Variants in PPFIA2 observed in about 807,000 individuals in gnomAD.
The protein encoded by PPFIA2 is liprin-alpha-2.
PPFIA2 carries 46 observed loss-of-function variants against 175.5 expected under a neutral mutation model. The observed-to-expected ratio is 0.26, with a 90% CI of 0.21 to 0.34. The LOEUF (loss-of-function observed/expected upper bound fraction) is 0.34. Ranked by LOEUF, PPFIA2 falls within the 10% of genes least tolerant of loss-of-function variation. PPFIA2 has a pLI of 1.00. For missense variants in PPFIA2, 1,179 were observed against 1,506.1 expected (o/e 0.78, Z 3.60); for synonymous variants, 568 against 511.4 (o/e 1.11, Z -1.49).
Position 81,441,495 on chromosome 12 carries a change from T to C in PPFIA2, c.571-1449A>G, listed in dbSNP as rs2050168219. Among the ~76,000 whole-genome samples the C allele has an allele frequency of 2.0e-5, 3 of 152,086 alleles. No individual in the cohort carries two copies. In the South Asian group the frequency reaches 6.2e-4, roughly 31 times the overall value. ...TCTTTCATCATATTGAGCTAGAGAT[T>C]AACTGCCAAGTATCATTCCTGTTAG... On this transcript the variant is annotated intron_variant, in intron 6 of 32. Coordinates refer to ENST00000549396, the MANE Select transcript of PPFIA2 (RefSeq NM_003625.5).
intron 5 of PPFIA2, among the ~76,000 whole-genome samples, chr12:81,450,519 T>A (rs1190872860): frequency 6.6e-6 from 1 of 152,142 alleles, no homozygotes; most frequent in Non-Finnish European, 1.5e-5. Context: ...GTTTGAGTTC[T>A]TTGTAGATTC....
chr12:81,268,586 CTATT>C (rs1209397298), intron 28 of PPFIA2, among the ~76,000 whole-genome samples: 1 of 152,188 alleles, frequency 6.6e-6, no homozygotes, highest in African/African-American at 2.4e-5. Context: ...TTTCGAGTCT[CTATT>C]TAAAAAAGTT....
At chr12:81,532,004 T>G (rs2064640857) in intron 4 of PPFIA2, among the ~76,000 whole-genome samples, 1 of 151,856 alleles carries the variant, frequency 6.6e-6, no homozygotes, top group Non-Finnish European at 1.5e-5. Flanking sequence ...GCTCAATTCC[T>G]AAAAGGTCAG....
intron 21 of PPFIA2, among the ~76,000 whole-genome samples, chr12:81,326,227 ATTTG>A (rs1361154498): frequency 2.0e-5 from 3 of 152,034 alleles, no homozygotes; most frequent in Admixed American, 6.6e-5. Flanking sequence ...AGCGTGTGAG[ATTTG>A]TTTATTTTTT....
rs190030776 is a variant in PPFIA2 at position 81,723,815 on chromosome 12, T to C, written c.249+30158A>G. ...TATAATGGGATAATTCCCCTTTAAG[T>C]TGCTTTATATCTGAAAGCATAAATC... is the stretch of plus-strand genomic sequence containing the variant. On this transcript the variant is annotated intron_variant, in intron 3 of 32. Transcript: ENST00000549396. Among the ~76,000 whole-genome samples, 284 of 151,118 alleles carry C rather than the reference T, an allele frequency of 1.9e-3. 1 individual carries two copies. Among genetic ancestry groups the C allele is most frequent in the Non-Finnish European group, 2.8e-3 (186 of 67,232 alleles).
At position 81,369,134 on chromosome 12, in the gene PPFIA2, C is replaced by G; in HGVS notation, c.1327G>C (p.Glu443Gln). 1.9e-6 allele frequency: 3 copies of G among 1,607,452 alleles called. No homozygotes were observed. The highest frequency in any genetic ancestry group is 1.3e-5 in the African/African-American group (1 of 74,774). ...ACTCTTTGAAGTTCTTGATTCTTCT[C>G]TTCAAGTTGACCCTCTAAATGTCTC... ...RMRHLEGQLE[E>Q]KNQELQRARQ... Residue 443 changes from glutamate to glutamine, a missense_variant, in exon 12 of 33, where the codon GAG becomes CAG. Glu to Gln is a conservative substitution (Grantham distance 29). Transcript: ENST00000549396.
chr12:81,551,613 GAAATAAAC>G (rs1567294069), intron 4 of PPFIA2, among the ~76,000 whole-genome samples: 1 of 151,832 alleles, frequency 6.6e-6, no homozygotes, highest in Non-Finnish European at 1.5e-5. Context: ...TCTGAGGGGT[GAAATAAAC>G]CCCCCATGGA....
chr12:81,325,687 T>C, intron 22 of PPFIA2, 90 bp downstream of exon 22: 3 of 953,954 alleles, frequency 3.1e-6, no homozygotes, highest in South Asian at 1.5e-5. Flanking sequence ...ATAGTTCTTT[T>C]GTTTCCAACC....
intron 8 of PPFIA2, among the ~76,000 whole-genome samples, chr12:81,404,618 G>T (rs1188986901): frequency 6.6e-6 from 1 of 152,138 alleles, no homozygotes. Context: ...TTTAGCTTAA[G>T]ATTTCTATAA....
chr12:81,707,505 TAA>T (rs1298191253), intron 3 of PPFIA2, among the ~76,000 whole-genome samples: 1 of 151,672 alleles, frequency 6.6e-6, no homozygotes, highest in Non-Finnish European at 1.5e-5. Flanking sequence ...TGGCAATCAT[TAA>T]AAAGTCAGGA....
intron 7 of PPFIA2, among the ~76,000 whole-genome samples, chr12:81,419,467 A>G (rs2045887626): frequency 6.6e-6 from 1 of 152,130 alleles, no homozygotes; most frequent in Non-Finnish European, 1.5e-5. Flanking sequence ...ATAAAGTCTC[A>G]TGATATTGCC....
chr12:81,411,452 A>G (rs757081807), intron 7 of PPFIA2, among the ~76,000 whole-genome samples: 6 of 151,994 alleles, frequency 3.9e-5, no homozygotes, highest in South Asian at 2.1e-4. Context: ...TTTCAAGCCA[A>G]TCTTCTAGGT....
At chr12:81,274,332 G>A (rs528589212) in intron 28 of PPFIA2, among the ~76,000 whole-genome samples, 1 of 152,066 alleles carries the variant, frequency 6.6e-6, no homozygotes, top group African/African-American at 2.4e-5. Context: ...CTAGACTTAG[G>A]TTTATATTTT....
At chr12:81,276,272 G>A (rs1165007093) in intron 28 of PPFIA2, among the ~76,000 whole-genome samples, 1 of 152,130 alleles carries the variant, frequency 6.6e-6, no homozygotes, top group African/African-American at 2.4e-5. Flanking sequence ...TCAGAAGGGT[G>A]GGAGGCTGGG....
At chr12:81,730,884 A>G (rs1014558540) in intron 3 of PPFIA2, among the ~76,000 whole-genome samples, 6 of 150,970 alleles carry the variant, frequency 4.0e-5, no homozygotes, top group Admixed American at 2.0e-4. Context: ...AAAAGTATAA[A>G]TGAGTTCTTG....
chr12:81,637,914 G>C (rs2064324636), intron 4 of PPFIA2, among the ~76,000 whole-genome samples: 1 of 152,054 alleles, frequency 6.6e-6, no homozygotes, highest in African/African-American at 2.4e-5. Context: ...TCTTTAAAAG[G>C]TATAGGTATA....
At chr12:81,286,477 A>G (rs547905432) in intron 24 of PPFIA2, among the ~76,000 whole-genome samples, 178 of 152,092 alleles carry the variant, frequency 1.2e-3, no homozygotes, top group African/African-American at 4.1e-3. Context: ...TACTTACCAC[A>G]GTGTTACATT....
intron 4 of PPFIA2, among the ~76,000 whole-genome samples, chr12:81,478,352 C>CA (rs1431033622): frequency 6.6e-6 from 1 of 151,940 alleles, no homozygotes; most frequent in Admixed American, 6.6e-5. Context: ...TTAATCTTTT[C>CA]AAAAAACCAC....
intron 4 of PPFIA2, among the ~76,000 whole-genome samples, chr12:81,661,725 C>T (rs1046739357): frequency 6.6e-5 from 10 of 152,156 alleles, no homozygotes; most frequent in Non-Finnish European, 1.3e-4. Context: ...GAACTCTCCA[C>T]CCCAAATAAA....
Sources: gnomAD v4.1 joint callset for allele counts (sites outside exome capture counted in the v4.1 genomes callset) on GRCh38, gnomAD v4.1.1 for gene constraint, MANE v1.5 for transcripts, NCBI Gene and HGNC (gene_info 2026-07-23, HGNC 2026-07-21) for gene names.